KCNMA1: variants seen among roughly 807,000 people sequenced by gnomAD.
KCNMA1 encodes Calcium-activated potassium channel subunit alpha-1.
Under a neutral mutation model 140.0 loss-of-function variants are expected in KCNMA1, and 29 were observed. That is an observed-to-expected ratio of 0.21 (90% confidence interval 0.15 to 0.28). The LOEUF (loss-of-function observed/expected upper bound fraction) is 0.28. KCNMA1 is among the 10% of genes least tolerant of loss of function. The probability of loss-of-function intolerance (pLI) is 1.00; values close to 1 mark genes in which losing one functional copy is unlikely to be tolerated. For missense variants in KCNMA1, 880 were observed against 1,602.2 expected, an observed-to-expected ratio of 0.55 and a Z score of 7.70; for synonymous variants, 612 against 611.9, an observed-to-expected ratio of 1.00 and a Z score of 0.00.
At chr10:77,063,094 CTGGTCAAATAAAG>C (rs1374827497) in intron 14 of KCNMA1, among the ~76,000 whole-genome samples, 5 of 152,144 alleles carry the variant, frequency 3.3e-5, no homozygotes, top group African/African-American at 1.2e-4. Context: ...CCTTGTGTAT[CTGGTCAAATAAAG>C]AATTTAAGTG....
intron 1 of KCNMA1, among the ~76,000 whole-genome samples, chr10:77,489,911 C>G: frequency 6.6e-6 from 1 of 152,254 alleles, no homozygotes; most frequent in East Asian, 1.9e-4. Flanking sequence ...TGCCTAACCT[C>G]AGCAAGTCAC....
chr10:77,354,003 G>GGGGGGGGGC, intron 2 of KCNMA1, among the ~76,000 whole-genome samples: 1 of 135,918 alleles, frequency 7.4e-6, no homozygotes, highest in East Asian at 2.6e-4. Flanking sequence ...GAGGGGTGGG[G>GGGGGGGGGC]ATGGAGTCTT....
chr10:77,522,899 C>T (rs960552393), intron 1 of KCNMA1, among the ~76,000 whole-genome samples: 21 of 152,290 alleles, frequency 1.4e-4, no homozygotes, highest in African/African-American at 4.6e-4. Flanking sequence ...ATAGCAACAC[C>T]TACTGTTAAA....
intron 2 of KCNMA1, among the ~76,000 whole-genome samples, chr10:77,389,438 C>G (rs577476961): frequency 4.6e-5 from 7 of 152,130 alleles, no homozygotes; most frequent in Middle Eastern, 3.4e-3. Context: ...TTTCAGGGGC[C>G]CCATGATTTG....
chr10:77,266,520 C>T (rs2063489511), intron 2 of KCNMA1, among the ~76,000 whole-genome samples: 2 of 152,164 alleles, frequency 1.3e-5, no homozygotes, highest in Non-Finnish European at 2.9e-5. Context: ...TTTGAAGTTG[C>T]CATGCTAGAT....
chr10:77,634,103 G>A, intron 1 of KCNMA1: 1 of 950,746 alleles, frequency 1.1e-6, no homozygotes, highest in Non-Finnish European at 1.3e-6. Context: ...ACACCAGAGA[G>A]GTTAAATAAC....
intron 1 of KCNMA1, among the ~76,000 whole-genome samples, chr10:77,633,282 T>A (rs2093408846): frequency 1.3e-5 from 2 of 151,818 alleles, no homozygotes; most frequent in African/African-American, 4.8e-5. Flanking sequence ...GCCGCTGCAC[T>A]CCAGCCTGGG....
chr10:77,342,562 A>G (rs2091197115), intron 2 of KCNMA1, among the ~76,000 whole-genome samples: 1 of 152,192 alleles, frequency 6.6e-6, no homozygotes, highest in Non-Finnish European at 1.5e-5. Context: ...CCCATGAAGA[A>G]TCAGCTCAAG....
chr10:77,342,703 G>A (rs530613137), intron 2 of KCNMA1, among the ~76,000 whole-genome samples: 24 of 152,270 alleles, frequency 1.6e-4, no homozygotes, highest in African/African-American at 5.1e-4. Context: ...GAGGTGACAC[G>A]AGGTAAATTC....
intron 3 of KCNMA1, among the ~76,000 whole-genome samples, chr10:77,198,574 T>TATATATATATATATATG (rs2041442787): frequency 7.0e-6 from 1 of 142,312 alleles, no homozygotes; most frequent in Non-Finnish European, 1.5e-5. Flanking sequence ...ATGTGATATA[T>TATATATATATATATATG]ATATATATAT....
chr10:77,127,527 C>T (rs2097767421), intron 5 of KCNMA1, among the ~76,000 whole-genome samples: 1 of 151,806 alleles, frequency 6.6e-6, no homozygotes, highest in Non-Finnish European at 1.5e-5. Flanking sequence ...TGCTCTTTTG[C>T]CTGTATTCCC....
chr10:77,062,404 G>A (rs1430275693), intron 14 of KCNMA1, among the ~76,000 whole-genome samples: 1 of 152,044 alleles, frequency 6.6e-6, no homozygotes, highest in Non-Finnish European at 1.5e-5. Flanking sequence ...TAACCCGTCC[G>A]GATCTCACTC....
chr10:77,227,354 C>G (rs1330554790), intron 3 of KCNMA1, among the ~76,000 whole-genome samples: 1 of 152,184 alleles, frequency 6.6e-6, no homozygotes, highest in African/African-American at 2.4e-5. Context: ...CTCCATCATT[C>G]TCATGTTTTG....
At chr10:77,136,546 T>C (rs1395502738) in intron 5 of KCNMA1, among the ~76,000 whole-genome samples, 1 of 151,660 alleles carries the variant, frequency 6.6e-6, no homozygotes, top group Admixed American at 6.6e-5. Context: ...TTTTATGTTA[T>C]GTGTTTTTCA....
chr10:77,243,955 G>T (rs1005259911), intron 3 of KCNMA1, among the ~76,000 whole-genome samples: 2 of 152,220 alleles, frequency 1.3e-5, no homozygotes, highest in Non-Finnish European at 2.9e-5. Flanking sequence ...CCACCTGGCT[G>T]GATTTGATCT....
chr10:77,527,239 T>C (rs1262167034), intron 1 of KCNMA1, among the ~76,000 whole-genome samples: 1 of 152,244 alleles, frequency 6.6e-6, no homozygotes, highest in Non-Finnish European at 1.5e-5. Context: ...CGAACTGGCT[T>C]GGGGCTCCCC....
chr10:77,552,313 CT>C (rs551452513), intron 1 of KCNMA1, among the ~76,000 whole-genome samples: 173 of 152,322 alleles, frequency 1.1e-3, no homozygotes, highest in African/African-American at 4.0e-3. Context: ...TGGTTTGAAT[CT>C]TAATTTCTCC....
intron 19 of KCNMA1, among the ~76,000 whole-genome samples, chr10:76,975,794 T>G (rs556236093): frequency 1.3e-5 from 2 of 152,308 alleles, no homozygotes; most frequent in Non-Finnish European, 2.9e-5. Context: ...TATAAATCTA[T>G]TTTTTGAAAG....
intron 19 of KCNMA1, among the ~76,000 whole-genome samples, chr10:76,972,782 A>G (rs2076423210): frequency 6.6e-6 from 1 of 152,182 alleles, no homozygotes; most frequent in African/African-American, 2.4e-5. Context: ...TCTCCAGCTT[A>G]AATATATGAA....
Sources: allele counts gnomAD v4.1 joint callset (sites outside exome capture counted in the v4.1 genomes callset), GRCh38; gene constraint gnomAD v4.1.1; transcripts MANE v1.5; gene names NCBI Gene and HGNC (gene_info 2026-07-23, HGNC 2026-07-21).